Variants in STK3 observed in about 807,000 individuals in gnomAD.
STK3 encodes serine/threonine-protein kinase 3.
Under a neutral mutation model 58.0 loss-of-function variants are expected in STK3, and 41 were observed. The ratio of observed to expected loss-of-function variants is 0.71; its 90% CI spans 0.55 to 0.92. The LOEUF is 0.92. Ranked by LOEUF, STK3 falls within the 40% of genes least tolerant of loss-of-function variation. STK3 has a pLI of 0.00. For synonymous variants in STK3, 170 were observed against 191.0 expected (o/e 0.89, Z 0.91); for missense variants, 479 against 602.7 (o/e 0.79, Z 2.15).
chr8:98,734,591 AT>A (rs1828434755), intron 4 of STK3, among the ~76,000 whole-genome samples: 1 of 152,214 alleles, frequency 6.6e-6, no homozygotes, highest in Non-Finnish European at 1.5e-5. Context: ...TGTAAAGATC[AT>A]TTGGAAAGCC....
At chr8:98,840,583 GTATATA>G (rs59274441) in intron 3 of STK3, among the ~76,000 whole-genome samples, 880 of 80,054 alleles carry the variant, frequency 0.011, 13 homozygotes, top group South Asian at 0.024. Context: ...AGAAAAAAAT[GTATATA>G]TATATATATA....
chr8:98,695,664 A>C (rs1049985298), intron 6 of STK3, among the ~76,000 whole-genome samples: 1 of 152,116 alleles, frequency 6.6e-6, no homozygotes, highest in Non-Finnish European at 1.5e-5. Context: ...TGTAGATATG[A>C]AGCATTATTT....
At chr8:98,535,831 A>G (rs1809712381) in intron 9 of STK3, among the ~76,000 whole-genome samples, 2 of 152,172 alleles carry the variant, frequency 1.3e-5, no homozygotes, top group South Asian at 2.1e-4. Context: ...AGTGGGGGAA[A>G]TTTTAATCTT....
the STK3 span, among the ~76,000 whole-genome samples, chr8:98,356,159 C>T: frequency 6.6e-6 from 1 of 152,240 alleles, no homozygotes; most frequent in Non-Finnish European, 1.5e-5. Flanking sequence ...AAGATTCTAA[C>T]TCACAACCAA....
intron 4 of STK3, among the ~76,000 whole-genome samples, chr8:98,718,633 G>T (rs944730933): frequency 1.3e-5 from 2 of 152,038 alleles, no homozygotes; most frequent in Non-Finnish European, 2.9e-5. Context: ...AGTACAAAAA[G>T]AATGCAAGCT....
intron 9 of STK3, among the ~76,000 whole-genome samples, chr8:98,537,632 A>G (rs905224345): frequency 1.3e-5 from 2 of 152,188 alleles, no homozygotes; most frequent in African/African-American, 4.8e-5. Flanking sequence ...AATTGACATC[A>G]ATTTCTCCAG....
At chr8:98,792,892 C>CTGTGTGTGTGTG (rs1299614188) in intron 1 of STK3, among the ~76,000 whole-genome samples, 16 of 98,236 alleles carry the variant, frequency 1.6e-4, no homozygotes, top group African/African-American at 6.6e-4. Context: ...GATAAAGAGA[C>CTGTGTGTGTGTG]TGTATGTGTG....
chr8:98,617,895 C>T (rs947014302), intron 6 of STK3, among the ~76,000 whole-genome samples: 2 of 152,054 alleles, frequency 1.3e-5, no homozygotes, highest in Admixed American at 1.3e-4. Context: ...CAAGGAGGAA[C>T]TAGTACCATT....
chr8:98,485,719 A>G (rs1822202760), intron 10 of STK3, among the ~76,000 whole-genome samples: 1 of 152,238 alleles, frequency 6.6e-6, no homozygotes, highest in African/African-American at 2.4e-5. Flanking sequence ...GTACATGTGA[A>G]GGATAATGAA....
chr8:98,771,158 A>C (rs1831294752), intron 2 of STK3, among the ~76,000 whole-genome samples: 1 of 152,238 alleles, frequency 6.6e-6, no homozygotes, highest in Non-Finnish European at 1.5e-5. Context: ...AGATTTATCT[A>C]TTCTAGATAC....
chr8:98,816,240 G>A (rs1834532618), intron 1 of STK3, among the ~76,000 whole-genome samples: 1 of 152,174 alleles, frequency 6.6e-6, no homozygotes, highest in South Asian at 2.1e-4. Context: ...TTTTGGGCTG[G>A]GTGCTGTAGC....
chr8:98,345,507 A>G, the STK3 span, among the ~76,000 whole-genome samples: 1 of 151,932 alleles, frequency 6.6e-6, no homozygotes, highest in Admixed American at 6.6e-5. Context: ...TTTGGAAGAA[A>G]TTGGAGTGAT....
At chr8:98,774,256 C>T (rs968863583) in intron 2 of STK3, among the ~76,000 whole-genome samples, 13 of 152,188 alleles carry the variant, frequency 8.5e-5, no homozygotes, top group Admixed American at 3.3e-4. Flanking sequence ...CTGCTCAAAC[C>T]GGCACGTTTC....
intron 3 of STK3, among the ~76,000 whole-genome samples, chr8:98,838,556 T>C (rs1445986276): frequency 1.3e-5 from 2 of 152,210 alleles, no homozygotes; most frequent in Non-Finnish European, 1.5e-5. Flanking sequence ...AGATGCTTAG[T>C]AGACAGAGAG....
chr8:98,389,106 T>C (rs538018887), upstream of STK3, among the ~76,000 whole-genome samples: 3 of 152,354 alleles, frequency 2.0e-5, no homozygotes, highest in African/African-American at 7.2e-5. Context: ...GCTGATTGTC[T>C]GCCTTTGTTC....
Position 98,704,273 on chromosome 8 carries a change from T to C in STK3, c.684+2194A>G, listed in dbSNP as rs1825810974. On this transcript the variant is annotated intron_variant, in intron 6 of 10. Coordinates refer to ENST00000419617, the MANE Select transcript of STK3 (RefSeq NM_006281.4). Reference sequence around the variant, plus strand: ...ACCAGTGATAAAACTATCTGTTACATGATCTCAACAGCTTCCAATACTTGC... The same window carrying C: ...ACCAGTGATAAAACTATCTGTTACACGATCTCAACAGCTTCCAATACTTGC... Among the ~76,000 whole-genome samples the C allele has an allele frequency of 2.6e-5, 4 of 152,216 alleles. No individual in the cohort carries two copies. In the South Asian group the frequency reaches 8.3e-4, roughly 32 times the overall value.
At chr8:98,855,767 T>C (rs1836644856) in intron 3 of STK3, among the ~76,000 whole-genome samples, 1 of 152,168 alleles carries the variant, frequency 6.6e-6, no homozygotes, top group South Asian at 2.1e-4. Context: ...ACATCTGTAA[T>C]CTCACCACTT....
the STK3 span, among the ~76,000 whole-genome samples, chr8:98,356,141 G>A: frequency 6.6e-6 from 1 of 152,332 alleles, no homozygotes; most frequent in African/African-American, 2.4e-5. Context: ...GCTGGAAGAA[G>A]ACACTTGAAG....
chr8:98,590,302 G>C (rs772660919), intron 7 of STK3, among the ~76,000 whole-genome samples: 1 of 152,146 alleles, frequency 6.6e-6, no homozygotes, highest in Non-Finnish European at 1.5e-5. Context: ...GCCTCAATGT[G>C]CCCTGATGCC....
Sources: gnomAD v4.1 joint callset for allele counts (sites outside exome capture counted in the v4.1 genomes callset) on GRCh38, gnomAD v4.1.1 for gene constraint, MANE v1.5 for transcripts, NCBI Gene and HGNC (gene_info 2026-07-23, HGNC 2026-07-21) for gene names.